The following USP53 variants were observed in gnomAD, a reference collection of about 807,000 sequenced individuals.
USP53 encodes ubiquitin specific peptidase 53.
In USP53, 71 loss-of-function variants were observed where a neutral mutation model predicts 94.9. The observed-to-expected ratio is 0.75, with a 90% CI of 0.62 to 0.91. USP53 has a LOEUF of 0.91. Ranked by LOEUF, USP53 falls within the 40% of genes least tolerant of loss-of-function variation. USP53 has a pLI of 0.00. For synonymous variants in USP53, 375 were observed against 422.7 expected, an observed-to-expected ratio of 0.89 and a Z score of 1.39; for missense variants, 1,173 against 1,281.0, an observed-to-expected ratio of 0.92 and a Z score of 1.29.
intron 4 of USP53, among the ~76,000 whole-genome samples, chr4:119,237,486 G>A (rs1012974874): frequency 6.6e-6 from 1 of 151,936 alleles, no homozygotes; most frequent in East Asian, 1.9e-4. Context: ...GTAGCAGAGC[G>A]GCTCCCTCGC....
chr4:119,271,285 T>G lies in USP53; in HGVS notation c.1436-11T>G. ...AGTAATTCATGTGTATCTTTAATTT[T>G]TTTTTTTAAGATTTGGTTGATGAAG... is the stretch of plus-strand genomic sequence containing the variant. On this transcript the variant is annotated splice_polypyrimidine_tract_variant and intron_variant, in intron 15 of 18. Coordinates refer to ENST00000692078, the MANE Select transcript of USP53 (RefSeq NM_001371395.1). The G allele has an allele frequency of 6.5e-7, 1 of 1,531,572 alleles. No homozygotes were observed. Among genetic ancestry groups the G allele is most frequent in the Non-Finnish European group, 8.7e-7 (1 of 1,145,252 alleles). The allele number at this position is 1,531,572 out of a possible 1,614,324, so 94.9% of individuals were successfully genotyped here.
At chr4:119,214,861 T>G (rs995343622) in intron 2 of USP53, among the ~76,000 whole-genome samples, 5 of 152,228 alleles carry the variant, frequency 3.3e-5, no homozygotes, top group South Asian at 2.1e-4. Flanking sequence ...CTCCTGGAAT[T>G]GTTTGGAACT....
intron 3 of USP53, among the ~76,000 whole-genome samples, chr4:119,228,660 T>C (rs768594325): frequency 3.3e-5 from 5 of 152,102 alleles, no homozygotes; most frequent in Non-Finnish European, 7.4e-5. Flanking sequence ...AAATGTTCTA[T>C]AGCTTGATTG....
chr4:119,257,406 C>G (rs1749921638), intron 9 of USP53, among the ~76,000 whole-genome samples: 2 of 152,188 alleles, frequency 1.3e-5, no homozygotes, highest in African/African-American at 4.8e-5. Context: ...CGCCACTGCA[C>G]TCCAGCCTGG....
intron 10 of USP53, 136 bp from the exon 11 acceptor site, chr4:119,260,371 C>A: frequency 1.8e-6 from 1 of 569,984 alleles, no homozygotes; most frequent in Non-Finnish European, 2.7e-6. Context: ...AGACAAACAG[C>A]TTGTTAGAAG....
In USP53 at chr4:119,293,542, G is replaced by T; in HGVS notation, c.*331G>T. 1 of 187,288 alleles carries T rather than the reference G, an allele frequency of 5.3e-6. No homozygotes were observed. Among genetic ancestry groups the T allele is most frequent in the Non-Finnish European group, 1.1e-5 (1 of 91,544 alleles). The allele number at this position is 187,288 out of a possible 1,614,324, so 11.6% of individuals were successfully genotyped here. A position where few individuals can be genotyped will look rare whatever the true frequency, so the allele number is the denominator to read the frequency against. The stretch of plus-strand genomic sequence containing the variant: ...CGTGCCGTGAAAAATAGAAAATCAG[G>T]GAGATATAATAATTCATTTGTCATA... On this transcript the variant is annotated 3_prime_UTR_variant, in exon 19 of 19. Coordinates refer to ENST00000692078, the MANE Select transcript of USP53 (RefSeq NM_001371395.1).
intron 12 of USP53, among the ~76,000 whole-genome samples, chr4:119,266,845 A>G (rs371320285): frequency 6.6e-6 from 1 of 152,136 alleles, no homozygotes; most frequent in Non-Finnish European, 1.5e-5. Context: ...CCAAGGTTGC[A>G]AAGATTTTCT....
Position 119,294,220 on chromosome 4 carries a change from C to T in USP53, c.*1009C>T, listed in dbSNP as rs1442707595. On this transcript the variant is annotated 3_prime_UTR_variant, in exon 19 of 19. Coordinates refer to ENST00000692078, the MANE Select transcript of USP53 (RefSeq NM_001371395.1). ...CTACATTTTCTTTGCTGTAATATTA[C>T]CTGCTTATAGGTTGTCAACCCATTT... 1.3e-5 allele frequency: 2 copies of T among 151,968 alleles called. No homozygotes were observed. Among genetic ancestry groups the T allele is most frequent in the South Asian group, 2.1e-4 (1 of 4,824 alleles). The allele number at this position is 151,968 out of a possible 1,614,324, so 9.4% of individuals were successfully genotyped here.
At chr4:119,258,356 A>G (rs1750036200) in intron 9 of USP53, among the ~76,000 whole-genome samples, 1 of 152,206 alleles carries the variant, frequency 6.6e-6, no homozygotes, top group Admixed American at 6.5e-5. Flanking sequence ...AAATACTTGG[A>G]GATTATTTAA....
intron 7 of USP53, among the ~76,000 whole-genome samples, chr4:119,250,634 A>G (rs1322468864): frequency 6.6e-6 from 1 of 152,244 alleles, no homozygotes; most frequent in East Asian, 1.9e-4. Flanking sequence ...TAATTCACAA[A>G]ATGTCTAGAA....
In USP53 at chr4:119,292,786, A is replaced by C. The variant is rs778919607; in HGVS notation, c.2797A>C (p.Ser933Arg). Residue 933 changes from serine (S) to arginine (R), a missense_variant, in exon 19 of 19, where the codon AGT becomes CGT. By Grantham distance (110) the Ser-to-Arg change is moderately radical. Transcript: ENST00000692078. The stretch of plus-strand genomic sequence containing the variant: ...GCCACCAAAGAAATATGCTATAACC[A>C]GTGTGCCACAGTCAGAGAAAAGCGA... ...PLPPKKYAIT[S>R]VPQSEKSEST... The C allele has an allele frequency of 1.5e-5, 24 of 1,610,492 alleles. No homozygotes were observed. Among genetic ancestry groups the C allele is most frequent in the Non-Finnish European group, 1.9e-5 (22 of 1,178,546 alleles).
intron 3 of USP53, among the ~76,000 whole-genome samples, chr4:119,232,931 T>A (rs982335645): frequency 1.3e-5 from 2 of 152,164 alleles, no homozygotes; most frequent in Admixed American, 1.3e-4. Context: ...AACTTTGAAT[T>A]TGTCTAATCC....
At chr4:119,268,877 T>A (rs957527181) in intron 14 of USP53, among the ~76,000 whole-genome samples, 1 of 152,214 alleles carries the variant, frequency 6.6e-6, no homozygotes, top group Non-Finnish European at 1.5e-5. Flanking sequence ...ATAACTAATT[T>A]TTACAAGCCA....
At chr4:119,231,255 T>C (rs1005111744) in intron 3 of USP53, among the ~76,000 whole-genome samples, 1 of 152,196 alleles carries the variant, frequency 6.6e-6, no homozygotes, top group Non-Finnish European at 1.5e-5. Flanking sequence ...ATTATGTTCC[T>C]ACTGATGGAT....
intron 17 of USP53, among the ~76,000 whole-genome samples, chr4:119,283,679 A>G (rs1232384263): frequency 6.6e-6 from 1 of 151,900 alleles, no homozygotes; most frequent in East Asian, 1.9e-4. Context: ...GGATAGATGT[A>G]TTTGGGATGT....
intron 17 of USP53, among the ~76,000 whole-genome samples, chr4:119,279,444 G>A (rs1022122282): frequency 6.7e-6 from 1 of 149,762 alleles, no homozygotes; most frequent in Non-Finnish European, 1.5e-5. Flanking sequence ...CACTTGAGGA[G>A]GCAGTCTGCC....
rs773890940 is a variant in USP53 at position 119,292,466 on chromosome 4, A to G, written c.2477A>G (p.Lys826Arg). The change falls in exon 19 of 19, where the codon AAA (lysine) becomes AGA (arginine). Residue 826 changes from lysine to arginine, a missense_variant. Physicochemically the swap from Lys to Arg is conservative, Grantham distance 26. Coordinates refer to ENST00000692078, the MANE Select transcript of USP53 (RefSeq NM_001371395.1). The part of the protein sequence containing the change: ...EQKLEKPNEC[K>R]FSEWLNIENS... ...AAACTTGAAAAACCGAATGAATGCAAATTTTCTGAGTGGCTTAATATAGAA... is the reference window on the plus strand; with the variant it reads ...AAACTTGAAAAACCGAATGAATGCAGATTTTCTGAGTGGCTTAATATAGAA... 2.5e-6 allele frequency: 4 copies of G among 1,613,924 alleles called. No homozygotes were observed. The highest frequency in any genetic ancestry group is 2.5e-6 in the Non-Finnish European group (3 of 1,179,942).
At chr4:119,232,301 C>T (rs745686150) in intron 3 of USP53, among the ~76,000 whole-genome samples, 2 of 152,196 alleles carry the variant, frequency 1.3e-5, no homozygotes, top group African/African-American at 2.4e-5. Context: ...ATAGCCCCCA[C>T]TTCTCCAGTC....
chr4:119,248,310 C>G (rs953188102), intron 6 of USP53, among the ~76,000 whole-genome samples: 2 of 148,366 alleles, frequency 1.3e-5, no homozygotes, highest in African/African-American at 2.5e-5. Context: ...AGGGTGGGAC[C>G]TGGGAACCCT....
Sources: gnomAD v4.1 joint callset for allele counts (sites outside exome capture counted in the v4.1 genomes callset) on GRCh38, gnomAD v4.1.1 for gene constraint, MANE v1.5 for transcripts, NCBI Gene and HGNC (gene_info 2026-07-23, HGNC 2026-07-21) for gene names.